The following SGCD variants were observed in gnomAD, a reference collection of about 807,000 sequenced individuals.
SGCD encodes delta-sarcoglycan.
SGCD carries 18 observed loss-of-function variants against 36.6 expected under a neutral mutation model. That is an observed-to-expected ratio of 0.49 (90% CI 0.34 to 0.73). The LOEUF (loss-of-function observed/expected upper bound fraction) is 0.73, where lower values mean the gene tolerates loss of function less well. SGCD is among the 30% of genes least tolerant of loss of function. The pLI, the probability that SGCD is intolerant of heterozygous loss-of-function variation, is 0.01. For synonymous variants in SGCD, 133 were observed against 130.6 expected, an observed-to-expected ratio of 1.02 and a Z score of -0.12; for missense variants, 387 against 346.7, an observed-to-expected ratio of 1.12 and a Z score of -0.92.
At chr5:156,718,827 GA>G (rs1187141134) in intron 7 of SGCD, among the ~76,000 whole-genome samples, 2 of 147,142 alleles carry the variant, frequency 1.4e-5, no homozygotes, top group Non-Finnish European at 3.0e-5. Flanking sequence ...AAAAATGAAA[GA>G]AAAAAATTAG....
chr5:155,908,025 C>A (rs1756556640), intron 1 of SGCD, among the ~76,000 whole-genome samples: 1 of 152,126 alleles, frequency 6.6e-6, no homozygotes, highest in African/African-American at 2.4e-5. Context: ...TGATCAGTCA[C>A]CAACCATCGA....
At chr5:155,834,509 G>A in the SGCD span, among the ~76,000 whole-genome samples, 10 of 152,248 alleles carry the variant, frequency 6.6e-5, no homozygotes, top group Non-Finnish European at 8.8e-5. Context: ...TAACCTTATC[G>A]TGTGATTCTA....
chr5:156,542,478 T>G (rs907957275), intron 4 of SGCD, among the ~76,000 whole-genome samples: 17 of 152,190 alleles, frequency 1.1e-4, no homozygotes, highest in African/African-American at 4.1e-4. Context: ...ATGAGTGCAA[T>G]CTGACATTCT....
At chr5:156,080,106 G>A (rs964772397) in intron 1 of SGCD, among the ~76,000 whole-genome samples, 1 of 152,194 alleles carries the variant, frequency 6.6e-6, no homozygotes, top group Non-Finnish European at 1.5e-5. Flanking sequence ...CCACATAGGA[G>A]CCACCAAGGC....
intron 4 of SGCD, among the ~76,000 whole-genome samples, chr5:156,515,870 A>C (rs1416020535): frequency 6.6e-6 from 1 of 152,216 alleles, no homozygotes; most frequent in Non-Finnish European, 1.5e-5. Context: ...ATGGGAAAGA[A>C]GTCCCCACAG....
chr5:156,607,759 C>G (rs997191244), intron 6 of SGCD, among the ~76,000 whole-genome samples: 1 of 152,228 alleles, frequency 6.6e-6, no homozygotes, highest in East Asian at 1.9e-4. Flanking sequence ...CAACTTCTTC[C>G]TGGTTTAGTC....
intron 7 of SGCD, among the ~76,000 whole-genome samples, chr5:156,727,970 C>CAA: frequency 6.6e-6 from 1 of 152,332 alleles, no homozygotes; most frequent in South Asian, 2.1e-4. Flanking sequence ...TTTGAAATAG[C>CAA]AAAGTGTGCT....
In SGCD at chr5:155,916,657, G is replaced by A. The variant is rs1475116671; in HGVS notation, c.-282+46233G>A. Among the ~76,000 whole-genome samples, 3 of 152,170 alleles carry A rather than the reference G, an allele frequency of 2.0e-5. No homozygotes were observed. In the East Asian group the frequency reaches 5.8e-4, roughly 29 times the overall value. On this transcript the variant is annotated intron_variant, in intron 1 of 9. Coordinates refer to the SGCD transcript ENST00000517913. ...GTAATATAGCTCAGATACAAAACAT[G>A]CATTGTTTTTGATAAAAGTCTCAGA...
chr5:156,721,744 C>T (rs1053894341), intron 7 of SGCD, among the ~76,000 whole-genome samples: 1 of 152,042 alleles, frequency 6.6e-6, no homozygotes, highest in Non-Finnish European at 1.5e-5. Context: ...AGGGCTGAAC[C>T]CTAGCAGCAT....
At chr5:156,345,313 C>A (rs1768890204) in intron 3 of SGCD, among the ~76,000 whole-genome samples, 1 of 151,934 alleles carries the variant, frequency 6.6e-6, no homozygotes, top group African/African-American at 2.4e-5. Context: ...GGTCCCTGTA[C>A]AGACTGGACA....
At chr5:156,251,597 C>T (rs1486298629) in intron 3 of SGCD, among the ~76,000 whole-genome samples, 1 of 152,018 alleles carries the variant, frequency 6.6e-6, no homozygotes, top group Non-Finnish European at 1.5e-5. Flanking sequence ...TCACTGCAAC[C>T]TCTGCCTCTG....
rs200476861 is a variant in SGCD at position 156,344,577 on chromosome 5, G to A, written c.92G>A (p.Arg31Gln). The A allele has an allele frequency of 2.8e-4, 445 of 1,612,024 alleles. No homozygotes were observed. The highest frequency in any genetic ancestry group is 3.5e-4 in the Non-Finnish European group (412 of 1,179,016). Reference protein sequence around the residue: ...QVYKVGIYGWRKRCLYFFVLL... With the variant: ...QVYKVGIYGWQKRCLYFFVLL... ...TACAAGGTGGGGATTTATGGCTGGC[G>A]GAAACGATGCCTGTATTTCTTTGTC... The change falls in exon 3 of 9, where the codon CGG becomes CAG. Residue 31 changes from arginine to glutamine, a missense_variant. Coordinates refer to ENST00000337851, the MANE Select transcript of SGCD (RefSeq NM_000337.6).
chr5:156,047,537 T>G (rs565632038), intron 1 of SGCD, among the ~76,000 whole-genome samples: 1 of 152,136 alleles, frequency 6.6e-6, no homozygotes, highest in South Asian at 2.1e-4. Context: ...AGGCTAAATC[T>G]ACTCTGCCTA....
At chr5:156,141,967 G>C (rs1230320463) in intron 3 of SGCD, among the ~76,000 whole-genome samples, 1 of 152,172 alleles carries the variant, frequency 6.6e-6, no homozygotes, top group African/African-American at 2.4e-5. Flanking sequence ...ATATGGTTTG[G>C]ATCTCTGTCT....
chr5:156,428,174 T>C (rs1454245124), intron 3 of SGCD, among the ~76,000 whole-genome samples: 1 of 152,172 alleles, frequency 6.6e-6, no homozygotes, highest in Non-Finnish European at 1.5e-5. Flanking sequence ...CTGGACTTTT[T>C]TTGTTGGTAG....
chr5:155,820,963 T>C, the SGCD span, among the ~76,000 whole-genome samples: 8 of 151,962 alleles, frequency 5.3e-5, no homozygotes, highest in Admixed American at 5.2e-4. Context: ...ACACTGACCC[T>C]GTAAGCTTGT....
chr5:156,290,889 G>A (rs1237784228), intron 3 of SGCD, among the ~76,000 whole-genome samples: 1 of 151,952 alleles, frequency 6.6e-6, no homozygotes, highest in East Asian at 1.9e-4. Context: ...GCCTGTAAAG[G>A]GTCAAATAGT....
intron 1 of SGCD, among the ~76,000 whole-genome samples, chr5:156,022,874 C>T (rs953073690): frequency 6.6e-6 from 1 of 152,134 alleles, no homozygotes; most frequent in Non-Finnish European, 1.5e-5. Context: ...GGAAAATAAT[C>T]TTCTGCTGTC....
At chr5:156,734,822 C>T (rs1203000933) in intron 7 of SGCD, among the ~76,000 whole-genome samples, 1 of 152,164 alleles carries the variant, frequency 6.6e-6, no homozygotes, top group Non-Finnish European at 1.5e-5. Flanking sequence ...TTTTATTTAG[C>T]TCAGTCAACT....
Sources: gnomAD v4.1 joint callset for allele counts (sites outside exome capture counted in the v4.1 genomes callset) on GRCh38, gnomAD v4.1.1 for gene constraint, MANE v1.5 for transcripts, NCBI Gene and HGNC (gene_info 2026-07-23, HGNC 2026-07-21) for gene names.